CHD7: variants seen among roughly 807,000 people sequenced by gnomAD.
The protein encoded by CHD7 is ATP-dependent chromatin remodeler CHD7.
Under a neutral mutation model 307.3 loss-of-function variants are expected in CHD7, and 24 were observed. That is an observed-to-expected ratio of 0.08 (90% confidence interval 0.06 to 0.11). The LOEUF is 0.11. CHD7 is among the 10% of genes least tolerant of loss of function. The pLI is 1.00. For missense variants in CHD7, 3,106 were observed against 3,727.1 expected, an observed-to-expected ratio of 0.83 and a Z score of 4.34; for synonymous variants, 1,363 against 1,349.9, an observed-to-expected ratio of 1.01 and a Z score of -0.21.
At chr8:60,843,439 C>T (rs1328052449) in intron 21 of CHD7, among the ~76,000 whole-genome samples, 10 of 152,318 alleles carry the variant, frequency 6.6e-5, no homozygotes, top group South Asian at 6.2e-4. Flanking sequence ...GTGTGCTTAG[C>T]GCAGATTGTC....
intron 3 of CHD7, among the ~76,000 whole-genome samples, chr8:60,788,851 C>T (rs1811634252): frequency 6.6e-6 from 1 of 152,162 alleles, no homozygotes; most frequent in Non-Finnish European, 1.5e-5. Context: ...TTAGTTTATT[C>T]TGTTGTCCGC....
intron 15 of CHD7, among the ~76,000 whole-genome samples, chr8:60,831,671 A>G (rs1337646456): frequency 6.6e-6 from 1 of 151,838 alleles, no homozygotes; most frequent in Non-Finnish European, 1.5e-5. Context: ...CTCAGAGGCT[A>G]TTGTATTCTG....
At chr8:60,836,599 T>TTTTAC (rs879551709) in intron 16 of CHD7, among the ~76,000 whole-genome samples, 2 of 152,232 alleles carry the variant, frequency 1.3e-5, no homozygotes, top group Admixed American at 1.3e-4. Flanking sequence ...AATTTAACTA[T>TTTTAC]TTCCCTGGAG....
chr8:60,714,481 G>C (rs1807474543), intron 1 of CHD7, among the ~76,000 whole-genome samples: 2 of 148,260 alleles, frequency 1.3e-5, no homozygotes, highest in Admixed American at 1.4e-4. Flanking sequence ...AAGTGGGCAG[G>C]AGTCAGCGAG....
intron 6 of CHD7, among the ~76,000 whole-genome samples, chr8:60,802,869 T>A (rs1230520066): frequency 6.6e-6 from 1 of 152,242 alleles, no homozygotes; most frequent in Non-Finnish European, 1.5e-5. Context: ...TTAGTTTGTT[T>A]TGCTATTGTG....
chr8:60,742,285 G>A lies in CHD7; in HGVS notation c.853G>A (p.Val285Ile), dbSNP rs1809077601. 2 of 1,613,906 alleles carry A rather than the reference G, an allele frequency of 1.2e-6. No individual in the cohort carries two copies. The highest frequency in any genetic ancestry group is 2.7e-5 in the African/African-American group (2 of 75,000). The stretch of plus-strand genomic sequence containing the variant: ...CCCGAATCCTCCCCAACAAGGGGCT[G>A]TTAGGCCGCAAACCCTTAACTTTAG... ...FSPNPPQQGA[V>I]RPQTLNFSSR... is the part of the protein sequence containing the mutation. Residue 285 changes from valine to isoleucine, a missense_variant, in exon 2 of 38, where the codon GTT becomes ATT. Val to Ile is a conservative substitution (Grantham distance 29, BLOSUM62 3). This residue lies in a region of CHD7 where 998 missense variants were observed against 1,004.5 expected (regional missense o/e 0.99). Transcript: ENST00000423902.
chr8:60,755,091 T>C (rs958044822), intron 2 of CHD7, among the ~76,000 whole-genome samples: 3 of 152,206 alleles, frequency 2.0e-5, no homozygotes, highest in Non-Finnish European at 2.9e-5. Context: ...TCAGTTGATT[T>C]ATGAAGGCTA....
chr8:60,760,481 A>G lies in CHD7; in HGVS notation c.1665+17384A>G, dbSNP rs550887185. Among the ~76,000 whole-genome samples, 25 of 145,170 alleles carry G rather than the reference A, an allele frequency of 1.7e-4. 1 individual carries two copies. The highest frequency in any genetic ancestry group is 5.5e-4 in the Admixed American group (8 of 14,438). On this transcript the variant is annotated intron_variant, in intron 2 of 37. Coordinates refer to ENST00000423902, the MANE Select transcript of CHD7 (RefSeq NM_017780.4). ...CCAAAAGCAATGGCAACAAAAGCCA[A>G]AATTGACAAATGGGATCTAATTAAA...
intron 23 of CHD7, 74 bp from the exon 24 acceptor site, chr8:60,848,441 C>CA: frequency 2.1e-6 from 2 of 970,752 alleles, no homozygotes; most frequent in Admixed American, 2.1e-5. Context: ...TGAACAGCAG[C>CA]AGCTGCCAAA....
chr8:60,694,150 C>T (rs182213924), intron 1 of CHD7, among the ~76,000 whole-genome samples: 230 of 152,342 alleles, frequency 1.5e-3, no homozygotes, highest in African/African-American at 5.2e-3. Context: ...ATGGCAATTT[C>T]GGTGTGAGGC....
chr8:60,690,431 T>C (rs1806137177), intron 1 of CHD7, among the ~76,000 whole-genome samples: 1 of 152,166 alleles, frequency 6.6e-6, no homozygotes, highest in South Asian at 2.1e-4. Flanking sequence ...GCTGTGTTTA[T>C]CACCAGATTT....
chr8:60,839,141 A>C (rs1804862611), intron 19 of CHD7, among the ~76,000 whole-genome samples: 1 of 152,190 alleles, frequency 6.6e-6, no homozygotes, highest in African/African-American at 2.4e-5. Context: ...CTTTTTCTAC[A>C]GATTTGCCTT....
intron 1 of CHD7, among the ~76,000 whole-genome samples, chr8:60,700,622 C>T (rs1401809528): frequency 4.6e-5 from 7 of 152,228 alleles, no homozygotes; most frequent in Non-Finnish European, 8.8e-5. Flanking sequence ...TGGGTGCCGG[C>T]TGGTGCCCAT....
rs762300196 is a variant in CHD7, at chr8:60,852,131, G to GCAA, written c.5781_5783dup (p.Gln1928dup). On this transcript the variant is annotated inframe_insertion, in exon 29 of 38. Transcript: ENST00000423902. The stretch of plus-strand genomic sequence containing the variant: ...CTGCCTATCAGCGCAGCTATAAAAG[G>GCAA]CAACAGATGAGGCAAGAGGCCCTAA... 6.2e-7 allele frequency: 1 copy of GCAA among 1,613,994 alleles called. No homozygotes were observed. The highest frequency in any genetic ancestry group is 1.1e-5 in the South Asian group (1 of 91,080).
intron 1 of CHD7, among the ~76,000 whole-genome samples, chr8:60,698,427 A>G (rs1402035002): frequency 1.3e-5 from 2 of 152,192 alleles, no homozygotes; most frequent in Non-Finnish European, 1.5e-5. Context: ...AATGATAGCA[A>G]TTTAAAGATT....
At chr8:60,862,453 G>A (rs1489898675) in intron 36 of CHD7, 95 bp from the exon 37 acceptor site, 18 of 1,453,128 alleles carry the variant, frequency 1.2e-5, no homozygotes, top group African/African-American at 2.8e-5. Context: ...GCGTGTGTGC[G>A]TGTATGTGTG....
rs146925090 is a variant in CHD7 at position 60,789,467 on chromosome 8, C to G, written c.2097-5519C>G. ...TTTTTCCCAATATGGTGAGAAACTT[C>G]ACTAACTTATCCCATCTGAAGAGAC... On this transcript the variant is annotated intron_variant, in intron 3 of 37. Coordinates refer to ENST00000423902, the MANE Select transcript of CHD7 (RefSeq NM_017780.4). Among the ~76,000 whole-genome samples the G allele has an allele frequency of 3.1e-3, 470 of 152,330 alleles. 1 individual carries two copies. The highest frequency in any genetic ancestry group is 0.011 in the African/African-American group (437 of 41,556).
chr8:60,751,305 C>T (rs1164148988), intron 2 of CHD7, among the ~76,000 whole-genome samples: 1 of 152,152 alleles, frequency 6.6e-6, no homozygotes, highest in Non-Finnish European at 1.5e-5. Context: ...TCCCCCCTCC[C>T]CATTTCTTTC....
At chr8:60,714,535 G>A (rs190394734) in intron 1 of CHD7, among the ~76,000 whole-genome samples, 3 of 152,146 alleles carry the variant, frequency 2.0e-5, no homozygotes, top group African/African-American at 7.2e-5. Flanking sequence ...CATCTCCAGC[G>A]CTGGCACCTG....
Sources: allele counts gnomAD v4.1 joint callset (sites outside exome capture counted in the v4.1 genomes callset), GRCh38; gene constraint gnomAD v4.1.1; regional missense constraint gnomAD v4.1.1; transcripts MANE v1.5; gene names NCBI Gene and HGNC (gene_info 2026-07-23, HGNC 2026-07-21).